Variants in ZNF180 observed in about 807,000 individuals in gnomAD.
ZNF180 encodes zinc finger protein 180.
A neutral mutation model predicts 11.8 loss-of-function variants in ZNF180; 11 were observed. The ratio of observed to expected loss-of-function variants is 0.93; its 90% CI spans 0.59 to 1.55. ZNF180 has a LOEUF of 1.55. Among genes scored for constraint, ZNF180 ranks in the 40% most tolerant of loss-of-function variants. The probability of loss-of-function intolerance (pLI) is 0.00; values close to 1 mark genes in which losing one functional copy is unlikely to be tolerated. For missense variants in ZNF180, 773 were observed against 781.7 expected, an observed-to-expected ratio of 0.99 and a Z score of 0.13; for synonymous variants, 287 against 257.7, an observed-to-expected ratio of 1.11 and a Z score of -1.09.
At chr19:44,486,514 G>A (rs1457026323) in intron 2 of ZNF180, among the ~76,000 whole-genome samples, 5 of 152,164 alleles carry the variant, frequency 3.3e-5, no homozygotes, top group African/African-American at 4.8e-5. Flanking sequence ...CCCATTCAAG[G>A]ATACTTTGCT....
rs115904690 is a variant in ZNF180 at position 44,487,067 on chromosome 19, A to T, written c.52-2632T>A. The stretch of plus-strand genomic sequence containing the variant: ...CAAAAAATAATAAATAAATAAATAA[A>T]TAAATAAGCCAGGCACGGTGGTATG... On this transcript the variant is annotated intron_variant, in intron 2 of 4. Coordinates refer to ENST00000592529, the MANE Select transcript of ZNF180 (RefSeq NM_001278509.3). 9.3e-3 allele frequency among the ~76,000 whole-genome samples: 1,422 copies of T among 152,108 alleles called. 18 individuals carry two copies. The highest frequency in any genetic ancestry group is 0.031 in the African/African-American group (1,305 of 41,468).
At chr19:44,488,045 A>T (rs959020601) in intron 2 of ZNF180, among the ~76,000 whole-genome samples, 6 of 149,226 alleles carry the variant, frequency 4.0e-5, no homozygotes, top group Non-Finnish European at 8.9e-5. Flanking sequence ...AATAAACTTG[A>T]CGCCCTCGCC....
At position 44,474,523 on chromosome 19, in the gene ZNF180, A is replaced by G. The variant is rs920743192; in HGVS notation, c.*1879T>C. On this transcript the variant is annotated 3_prime_UTR_variant, in exon 5 of 5. Transcript: ENST00000592529. ...AAACATCATTAAACCATCTAATCTA[A>G]TATTCGACCATATCATTTCTTTCTT... is the stretch of plus-strand genomic sequence containing the variant. 5.3e-5 allele frequency: 8 copies of G among 152,152 alleles called. No individual in the cohort carries two copies. The highest frequency in any genetic ancestry group is 1.9e-4 in the African/African-American group (8 of 41,414). The allele number at this position is 152,152 out of a possible 1,614,324, so 9.4% of individuals were successfully genotyped here.
At chr19:44,483,507 A>G (rs149257524) in intron 3 of ZNF180, among the ~76,000 whole-genome samples, 443 of 152,330 alleles carry the variant, frequency 2.9e-3, no homozygotes, top group Non-Finnish European at 5.2e-3. Flanking sequence ...AAACTTTCAG[A>G]TTGACCAGCA....
In ZNF180 at chr19:44,495,434, G is replaced by A. The variant is rs386809665; in HGVS notation, c.51+1850C>T. Among the ~76,000 whole-genome samples the A allele has an allele frequency of 2.1e-4, 32 of 152,046 alleles. No homozygotes were observed. Among genetic ancestry groups the A allele is most frequent in the African/African-American group, 6.8e-4 (28 of 41,450 alleles). ...ACTGTGTCAGTACCCTCCACATGCCGCTGGGCTCTGACACCCCTGCAGGCC... is the reference window on the plus strand; with the variant it reads ...ACTGTGTCAGTACCCTCCACATGCCACTGGGCTCTGACACCCCTGCAGGCC... On this transcript the variant is annotated intron_variant, in intron 2 of 4. Transcript: ENST00000592529. This position sits in a 1 kb window ranked among gnomAD's most constrained non-coding sequence, Gnocchi z 4.5.
At chr19:44,494,746 T>C (rs539328860) in intron 2 of ZNF180, among the ~76,000 whole-genome samples, 9 of 152,328 alleles carry the variant, frequency 5.9e-5, no homozygotes, top group African/African-American at 1.9e-4. Flanking sequence ...TGTAAACTTA[T>C]ATTTGCTTAA....
intron 2 of ZNF180, among the ~76,000 whole-genome samples, chr19:44,492,639 G>C (rs986454390): frequency 1.4e-5 from 2 of 147,834 alleles, no homozygotes; most frequent in African/African-American, 5.1e-5. Flanking sequence ...TCAGACCTAG[G>C]GCTAGGGCTA....
intron 2 of ZNF180, among the ~76,000 whole-genome samples, chr19:44,491,253 G>A (rs1347308887): frequency 6.6e-6 from 1 of 152,210 alleles, no homozygotes; most frequent in Non-Finnish European, 1.5e-5. Context: ...AACCTTTGTT[G>A]GGTGCCTTTT....
intron 2 of ZNF180, among the ~76,000 whole-genome samples, chr19:44,494,396 CG>C (rs1481329694): frequency 3.3e-5 from 5 of 152,148 alleles, no homozygotes; most frequent in Non-Finnish European, 7.4e-5. Flanking sequence ...CCAGGCACTG[CG>C]GCTCACCCCG....
rs573876649 is a variant in ZNF180, at chr19:44,496,835, GTGA to G, written c.51+446_51+448del. Among the ~76,000 whole-genome samples, 391 of 152,102 alleles carry G rather than the reference GTGA, an allele frequency of 2.6e-3. 1 individual carries two copies. Among genetic ancestry groups the G allele is most frequent in the African/African-American group, 8.0e-3 (330 of 41,474 alleles). On this transcript the variant is annotated intron_variant, in intron 2 of 4. Transcript: ENST00000592529. Reference sequence around the variant, plus strand: ...CAAAAACTATATCTCTTTTTAAAAAGTGATGATTTCTAAGTGCAATTTACTTAA... The same window carrying G: ...CAAAAACTATATCTCTTTTTAAAAAGTGATTTCTAAGTGCAATTTACTTAA...
Position 44,475,756 on chromosome 19 carries a change from T to C in ZNF180, c.*646A>G, listed in dbSNP as rs990176109. ...ATTGAATAGATACATCCATAATCCC[T>C]TTCTATTCTAATCCATACACAAATA... On this transcript the variant is annotated 3_prime_UTR_variant, in exon 5 of 5. Transcript: ENST00000592529. The C allele has an allele frequency of 6.6e-6, 1 of 152,264 alleles. No individual in the cohort carries two copies. Among genetic ancestry groups the C allele is most frequent in the African/African-American group, 2.4e-5 (1 of 41,464 alleles). 9.4% of individuals were successfully genotyped at this position (152,264 alleles called of 1,614,324 possible). A position where few individuals can be genotyped will look rare whatever the true frequency, so the allele number is the denominator to read the frequency against.
chr19:44,480,256 T>A, intron 3 of ZNF180, among the ~76,000 whole-genome samples: 1 of 152,078 alleles, frequency 6.6e-6, no homozygotes. Context: ...CAGGTGTGCA[T>A]CACCGTGCTT....
intron 2 of ZNF180, among the ~76,000 whole-genome samples, chr19:44,486,169 T>G (rs58522340): frequency 0.019 from 2,929 of 151,442 alleles, 98 homozygotes; most frequent in African/African-American, 0.067. Flanking sequence ...TAGAAAGATG[T>G]CTATAATATA....
intron 2 of ZNF180, among the ~76,000 whole-genome samples, chr19:44,491,875 G>T (rs960535814): frequency 1.3e-5 from 2 of 152,130 alleles, no homozygotes; most frequent in Admixed American, 1.3e-4. Flanking sequence ...ACTTTACCTG[G>T]CCTAAACTTT....
chr19:44,496,924 A>G (rs1970603865), intron 2 of ZNF180, among the ~76,000 whole-genome samples: 1 of 152,188 alleles, frequency 6.6e-6, no homozygotes, highest in Admixed American at 6.5e-5. Flanking sequence ...TTCAATGGCT[A>G]CAGTGTATTC....
intron 1 of ZNF180, among the ~76,000 whole-genome samples, chr19:44,498,990 C>A (rs1173012523): frequency 6.6e-6 from 1 of 152,142 alleles, no homozygotes; most frequent in African/African-American, 2.4e-5. Context: ...ACACCATGCT[C>A]CTGAGTCAAC....
intron 2 of ZNF180, chr19:44,485,285 G>C (rs1276945122): frequency 6.6e-6 from 1 of 151,660 alleles, no homozygotes; most frequent in Non-Finnish European, 1.5e-5. Flanking sequence ...AAATGCACAT[G>C]CAACTATGAA....
intron 2 of ZNF180, among the ~76,000 whole-genome samples, chr19:44,486,462 T>C (rs1970231293): frequency 6.6e-6 from 1 of 152,168 alleles, no homozygotes; most frequent in Non-Finnish European, 1.5e-5. Context: ...GTCCTCAGGT[T>C]TTTTCCTACA....
chr19:44,497,002 T>C (rs765239451), intron 2 of ZNF180, among the ~76,000 whole-genome samples: 2 of 152,246 alleles, frequency 1.3e-5, no homozygotes, highest in Non-Finnish European at 2.9e-5. Context: ...TATTTCCAAT[T>C]GTTCATTCTC....
Sources: gnomAD v4.1 joint callset for allele counts (sites outside exome capture counted in the v4.1 genomes callset) on GRCh38, gnomAD v4.1.1 for gene constraint, Gnocchi (gnomAD v3.1) non-coding constraint, MANE v1.5 for transcripts, NCBI Gene and HGNC (gene_info 2026-07-23, HGNC 2026-07-21) for gene names.